The following CRISP1 variants were observed in gnomAD, a reference collection of about 807,000 sequenced individuals.
CRISP1 encodes cysteine rich secretory protein 1.
A neutral mutation model predicts 33.1 loss-of-function variants in CRISP1; 44 were observed. The observed-to-expected ratio is 1.33, with a 90% CI of 1.05 to 1.71. The LOEUF (loss-of-function observed/expected upper bound fraction) is 1.71. Among genes scored for constraint, CRISP1 ranks in the 40% most tolerant of loss-of-function variants. CRISP1 has a pLI of 0.00. For synonymous variants in CRISP1, 103 were observed against 98.7 expected, an observed-to-expected ratio of 1.04 and a Z score of -0.26; for missense variants, 390 against 301.2, an observed-to-expected ratio of 1.29 and a Z score of -2.18.
intron 3 of CRISP1, among the ~76,000 whole-genome samples, chr6:49,849,728 T>C (rs1771292095): frequency 6.6e-6 from 1 of 152,120 alleles, no homozygotes; most frequent in African/African-American, 2.4e-5. Context: ...GAGCATGTAG[T>C]TTAATTATAA....
At position 49,857,408 on chromosome 6, in the gene CRISP1, A is replaced by G; in HGVS notation, c.-2-6T>C. The G allele has an allele frequency of 6.2e-7, 1 of 1,611,410 alleles. No homozygotes were observed. Among genetic ancestry groups the G allele is most frequent in the Non-Finnish European group, 8.5e-7 (1 of 1,178,092 alleles). ...GAGGTGTTTAATTTCCATCCCTGAAAGAAAAATAACACAATTTTAGATTAT... is the reference window on the plus strand; with the variant it reads ...GAGGTGTTTAATTTCCATCCCTGAAGGAAAAATAACACAATTTTAGATTAT... On this transcript the variant is annotated splice_polypyrimidine_tract_variant and splice_region_variant and intron_variant, in intron 1 of 7. Coordinates refer to ENST00000335847, the MANE Select transcript of CRISP1 (RefSeq NM_001131.3).
chr6:49,874,426 AG>A (rs1771989560), intron 1 of CRISP1, among the ~76,000 whole-genome samples: 1 of 152,076 alleles, frequency 6.6e-6, no homozygotes, highest in Non-Finnish European at 1.5e-5. Context: ...TAATGTGCAA[AG>A]AGTAATGACA....
At chr6:49,837,684 T>G (rs1770844955) in intron 7 of CRISP1, among the ~76,000 whole-genome samples, 1 of 152,154 alleles carries the variant, frequency 6.6e-6, no homozygotes, top group African/African-American at 2.4e-5. Context: ...AAGTGGCCTT[T>G]CAAGTCGGAG....
chr6:49,857,198 C>G lies in CRISP1; in HGVS notation c.66+137G>C, dbSNP rs1480142257. The G allele has an allele frequency of 3.2e-5, 23 of 713,668 alleles. No individual in the cohort carries two copies. The South Asian group carries it at 3.8e-4, about 12-fold the overall frequency. The allele number at this position is 713,668 out of a possible 1,614,324, so 44.2% of individuals were successfully genotyped here. On this transcript the variant is annotated intron_variant, in intron 2 of 7. Coordinates refer to ENST00000335847, the MANE Select transcript of CRISP1 (RefSeq NM_001131.3). ...GGTATTAAGATGAGTACTTGCCTAA[C>G]AGGGCTATTGTGAAAACAAAGTGAG...
In CRISP1 at chr6:49,848,307, G is replaced by T; in HGVS notation, c.196-8C>A. 1 of 1,534,418 alleles carries T rather than the reference G, an allele frequency of 6.5e-7. No individual in the cohort carries two copies. Among genetic ancestry groups the T allele is most frequent in the Non-Finnish European group, 8.8e-7 (1 of 1,134,252 alleles). ...AGCCTCTTCACTCCAACTCTGTAGT[G>T]GAAAGAAAAAAAAAGCACATGTTCC... On this transcript the variant is annotated splice_polypyrimidine_tract_variant and splice_region_variant and intron_variant, in intron 3 of 7. Transcript: ENST00000335847.
intron 6 of CRISP1, among the ~76,000 whole-genome samples, chr6:49,840,680 T>G (rs538980748): frequency 6.6e-6 from 1 of 152,264 alleles, no homozygotes; most frequent in Non-Finnish European, 1.5e-5. Flanking sequence ...AAATAATATA[T>G]AACTAAATAT....
At chr6:49,840,784 G>T (rs1345899218) in intron 6 of CRISP1, 114 bp downstream of exon 6, 2 of 721,436 alleles carry the variant, frequency 2.8e-6, no homozygotes, top group East Asian at 5.4e-5. Flanking sequence ...TCCAGCTCTT[G>T]TCTATTATGA....
At chr6:49,838,321 A>G (rs188461308) in intron 7 of CRISP1, 116 bp downstream of exon 7, 2 of 746,150 alleles carry the variant, frequency 2.7e-6, no homozygotes, top group African/African-American at 3.5e-5. Context: ...TAATTTGTAC[A>G]TGAATGAGAT....
chr6:49,877,073 T>C (rs1368925322), exon 1 of CRISP1: 1 of 151,900 alleles, frequency 6.6e-6, no homozygotes, highest in East Asian at 1.9e-4. Flanking sequence ...CACCAAGCTC[T>C]GTCCTGGTAG....
rs1260054466 is a variant in CRISP1, at chr6:49,834,349, G to C, written c.*967C>G. The stretch of plus-strand genomic sequence containing the variant: ...TAACTTTGGTATAATGTTAAAATTT[G>C]ACCAAGTATTTTTAGCCTTCCCTTT... On this transcript the variant is annotated 3_prime_UTR_variant, in exon 8 of 8. Coordinates refer to ENST00000335847, the MANE Select transcript of CRISP1 (RefSeq NM_001131.3). The C allele has an allele frequency of 1.3e-5, 2 of 150,608 alleles. No individual in the cohort carries two copies. The highest frequency in any genetic ancestry group is 2.4e-5 in the African/African-American group (1 of 40,966). 9.3% of individuals were successfully genotyped at this position (150,608 alleles called of 1,614,324 possible).
rs75019305 is a variant in CRISP1, at chr6:49,835,913, G to A, written c.623-470C>T. Among the ~76,000 whole-genome samples the A allele has an allele frequency of 9.3e-3, 1,415 of 152,194 alleles. 26 individuals are homozygous for A. Among genetic ancestry groups the A allele is most frequent in the African/African-American group, 0.029 (1,220 of 41,524 alleles). On this transcript the variant is annotated intron_variant, in intron 7 of 7. Coordinates refer to ENST00000335847, the MANE Select transcript of CRISP1 (RefSeq NM_001131.3). ...CATATATAATCTCTCCATCCACCCA[G>A]AGGTTATCTCAACTAACATTCTAGT...
intron 6 of CRISP1, 133 bp from the exon 7 acceptor site, chr6:49,838,658 A>T: frequency 1.6e-6 from 1 of 621,488 alleles, no homozygotes. Context: ...AATTTTTAAG[A>T]TGGGTGTGAG....
At chr6:49,854,963 G>A (rs945931) in intron 2 of CRISP1, among the ~76,000 whole-genome samples, 52,322 of 151,882 alleles carry the variant, frequency 0.34, 9,740 homozygotes, top group Non-Finnish European at 0.41. Context: ...CCCTACATTA[G>A]AAATACTCCT....
chr6:49,841,110 G>T, intron 5 of CRISP1, 115 bp from the exon 6 acceptor site: 2 of 908,772 alleles, frequency 2.2e-6, no homozygotes, highest in South Asian at 1.6e-5. Flanking sequence ...TTTACTTTGG[G>T]CATGGCTTAA....
chr6:49,868,939 T>G (rs1303216140), upstream of CRISP1, among the ~76,000 whole-genome samples: 1 of 152,174 alleles, frequency 6.6e-6, no homozygotes, highest in Non-Finnish European at 1.5e-5. Context: ...GGGAGATTAA[T>G]GGCCCTTTGA....
At chr6:49,854,556 G>T (rs955359095) in intron 2 of CRISP1, among the ~76,000 whole-genome samples, 6 of 152,142 alleles carry the variant, frequency 3.9e-5, no homozygotes, top group Non-Finnish European at 7.4e-5. Flanking sequence ...TCTTAAAACA[G>T]ATAAACAAGC....
At chr6:49,851,075 TACA>T (rs1369706688) in intron 3 of CRISP1, among the ~76,000 whole-genome samples, 2 of 152,218 alleles carry the variant, frequency 1.3e-5, no homozygotes, top group African/African-American at 4.8e-5. Flanking sequence ...GTATGTTGGC[TACA>T]ACACCATGCA....
chr6:49,842,330 A>G (rs1436549951), intron 5 of CRISP1, among the ~76,000 whole-genome samples: 1 of 152,238 alleles, frequency 6.6e-6, no homozygotes, highest in Non-Finnish European at 1.5e-5. Context: ...TTTAATAAAA[A>G]TGCAGCTGAA....
rs759302181 is a variant in CRISP1, at chr6:49,857,303, A to T, written c.66+32T>A. ...GTGTTAGCTCTTATCTTTATTTAGA[A>T]AGTAATTATGAAACATCCAACCCTC... On this transcript the variant is annotated intron_variant, in intron 2 of 7. Coordinates refer to ENST00000335847, the MANE Select transcript of CRISP1 (RefSeq NM_001131.3). The T allele has an allele frequency of 1.9e-6, 3 of 1,601,384 alleles. No individual in the cohort carries two copies. The South Asian group carries it at 3.3e-5, about 18-fold the overall frequency.
Sources: allele counts gnomAD v4.1 joint callset (sites outside exome capture counted in the v4.1 genomes callset), GRCh38; gene constraint gnomAD v4.1.1; transcripts MANE v1.5; gene names NCBI Gene and HGNC (gene_info 2026-07-23, HGNC 2026-07-21).